C9orf43: variants seen among roughly 807,000 people sequenced by gnomAD.
C9orf43 encodes uncharacterized protein C9orf43.
A neutral mutation model predicts 59.1 loss-of-function variants in C9orf43; 45 were observed. The ratio of observed to expected loss-of-function variants is 0.76; its 90% CI spans 0.60 to 0.98. C9orf43 has a LOEUF of 0.98. Ranked by LOEUF, C9orf43 falls within the 50% of genes least tolerant of loss-of-function variation. C9orf43 has a pLI of 0.00. For synonymous variants in C9orf43, 203 were observed against 196.8 expected (o/e 1.03, Z -0.26); for missense variants, 533 against 554.9 (o/e 0.96, Z 0.40).
chr9:113,418,892 T>C (rs1036726789), intron 3 of C9orf43, among the ~76,000 whole-genome samples: 2 of 152,192 alleles, frequency 1.3e-5, no homozygotes, highest in Non-Finnish European at 2.9e-5. Flanking sequence ...ATGGAACAAA[T>C]AGTTGTGAAG....
chr9:113,418,464 A>G (rs1012065947), intron 3 of C9orf43, among the ~76,000 whole-genome samples: 4 of 152,172 alleles, frequency 2.6e-5, no homozygotes, highest in Non-Finnish European at 5.9e-5. Context: ...CAAACCCTAT[A>G]TTTACTATGT....
rs372647158 is a variant in C9orf43, at chr9:113,421,129, G to A, written c.372G>A (p.Thr124=). Residue 124 remains threonine (T), a synonymous_variant, in exon 5 of 14, where the codon ACG becomes ACA. Coordinates refer to ENST00000374165, the MANE Select transcript of C9orf43 (RefSeq NM_001278629.2). ...TTCCAGTGTTGAATTTGAATGAGAC[G>A]CAACTTCCCTGCCCTGAAGATGTTA... The part of the protein sequence containing the change: ...PKFPVLNLNE[T]QLPCPEDVRN... 25 of 1,613,628 alleles carry A rather than the reference G, an allele frequency of 1.5e-5. No individual in the cohort carries two copies. Among genetic ancestry groups the A allele is most frequent in the Admixed American group, 1.5e-4 (9 of 59,976 alleles).
rs1261267807 is a variant in C9orf43 at position 113,424,324 on chromosome 9, C to T, written c.807+8C>T. 5 of 1,598,858 alleles carry T rather than the reference C, an allele frequency of 3.1e-6. No individual in the cohort carries two copies. The highest frequency in any genetic ancestry group is 4.3e-6 in the Non-Finnish European group (5 of 1,175,014). Reference sequence around the variant, plus strand: ...CACCGCCTCACCCTGGAAGTAAGAGCTAGGAAACAGCAGGGAAGAAGCCTA... The same window carrying T: ...CACCGCCTCACCCTGGAAGTAAGAGTTAGGAAACAGCAGGGAAGAAGCCTA... On this transcript the variant is annotated splice_region_variant and intron_variant, in intron 8 of 13. Transcript: ENST00000374165.
In C9orf43 at chr9:113,413,818, T is replaced by C; in HGVS notation, c.211T>C (p.Leu71=). 6.2e-7 allele frequency: 1 copy of C among 1,614,168 alleles called. No homozygotes were observed. Among genetic ancestry groups the C allele is most frequent in the Non-Finnish European group, 8.5e-7 (1 of 1,180,018 alleles). ...AGATTCCGGCTTTGCAGCTCATCAT[T>C]TACCAGAATGTACCTTTACTAAGGC... ...ILDSGFAAHH[L]PECTFTKAHS... is the part of the protein sequence containing the mutation. Residue 71 remains leucine (L), a synonymous_variant, in exon 3 of 14, where the codon TTA becomes CTA. Coordinates refer to ENST00000374165, the MANE Select transcript of C9orf43 (RefSeq NM_001278629.2).
intron 11 of C9orf43, among the ~76,000 whole-genome samples, chr9:113,426,893 T>C (rs1003373574): frequency 2.0e-5 from 3 of 152,166 alleles, no homozygotes; most frequent in Admixed American, 6.5e-5. Flanking sequence ...GAGATGATTT[T>C]TGCATTGAAT....
At position 113,413,351 on chromosome 9, in the gene C9orf43, A is replaced by T. The variant is rs1003484481; in HGVS notation, c.-49-94A>T. 2.1e-5 allele frequency: 25 copies of T among 1,175,654 alleles called. No homozygotes were observed. The East Asian group carries it at 6.7e-4, about 32-fold the overall frequency. 72.8% of individuals were successfully genotyped at this position (1,175,654 alleles called of 1,614,324 possible). A position where few individuals can be genotyped will look rare whatever the true frequency, so the allele number is the denominator to read the frequency against. ...GGCCATCATTTACCTATATAGGTTC[A>T]ATAGAAATATTTTATACTGTGAGTT... On this transcript the variant is annotated intron_variant, in intron 1 of 13. Transcript: ENST00000374165.
chr9:113,421,073 C>A, intron 4 of C9orf43, 30 bp from the exon 5 acceptor site: 2 of 1,544,564 alleles, frequency 1.3e-6, no homozygotes, highest in Non-Finnish European at 1.8e-6. Context: ...GCACCTCAAG[C>A]CATACATAGG....
At chr9:113,417,828 G>A (rs1459175299) in intron 3 of C9orf43, among the ~76,000 whole-genome samples, 1 of 152,210 alleles carries the variant, frequency 6.6e-6, no homozygotes, top group African/African-American at 2.4e-5. Context: ...TGAGGCTGGG[G>A]AGCTGCAGTA....
At chr9:113,413,721 A>T (rs1588100366) in intron 2 of C9orf43, 38 bp from the exon 3 acceptor site, 2 of 1,611,736 alleles carry the variant, frequency 1.2e-6, no homozygotes, top group African/African-American at 2.7e-5. Context: ...TTCTCCAGGC[A>T]GCAGGTTAAC....
chr9:113,411,418 C>T (rs1564395039), intron 1 of C9orf43, among the ~76,000 whole-genome samples: 1 of 151,846 alleles, frequency 6.6e-6, no homozygotes, highest in Non-Finnish European at 1.5e-5. Context: ...CCTACCTCAG[C>T]CTCCTTAGTA....
At chr9:113,429,044 C>A in intron 13 of C9orf43, 81 bp downstream of exon 13, 1 of 1,496,424 alleles carries the variant, frequency 6.7e-7, no homozygotes, top group Non-Finnish European at 9.3e-7. Flanking sequence ...GATAGTTTAC[C>A]TCCCTGAAGG....
At chr9:113,419,874 C>A (rs1828501964) in intron 4 of C9orf43, among the ~76,000 whole-genome samples, 1 of 152,122 alleles carries the variant, frequency 6.6e-6, no homozygotes, top group Non-Finnish European at 1.5e-5. Context: ...AGAAAAAACC[C>A]TCCTACTTAA....
At position 113,413,633 on chromosome 9, in the gene C9orf43, T is replaced by C. The variant is rs1564397926; in HGVS notation, c.140T>C (p.Leu47Pro). ...RILGSSCKTP[L>P]DAEDKLPVLT... The stretch of plus-strand genomic sequence containing the variant: ...CTCGGCTCATCCTGCAAAACTCCCC[T>C]GGATGCTGAAGGTGAATTAGCCAGC... The change falls in exon 2 of 14, where the codon CTG becomes CCG. Residue 47 changes from leucine (L) to proline (P), a missense_variant. By Grantham distance (98) the Leu-to-Pro change is moderately conservative. Transcript: ENST00000374165. 1.2e-6 allele frequency: 2 copies of C among 1,614,148 alleles called. No individual in the cohort carries two copies. Among genetic ancestry groups the C allele is most frequent in the Non-Finnish European group, 1.7e-6 (2 of 1,179,970 alleles).
chr9:113,428,121 G>A, intron 11 of C9orf43, 26 bp from the exon 12 acceptor site: 2 of 1,613,114 alleles, frequency 1.2e-6, no homozygotes, highest in Non-Finnish European at 1.7e-6. Flanking sequence ...ATAAGAGGAA[G>A]ATTGAATGGA....
In C9orf43 at chr9:113,413,865, T is replaced by C. The variant is rs749272442; in HGVS notation, c.258T>C (p.Ser86=). 4 of 1,611,458 alleles carry C rather than the reference T, an allele frequency of 2.5e-6. No individual in the cohort carries two copies. In the South Asian group the frequency reaches 4.4e-5, roughly 18 times the overall value. ...FTKAHSLLSQ[S]SKFYSKFHGR... ...AGGCCCATTCTTTATTGTCTCAGAG[T>C]TCAAAGTTTTACTCCAAATTTCATG... Residue 86 remains serine (S), a synonymous_variant, in exon 3 of 14, where the codon AGT becomes AGC. Coordinates refer to ENST00000374165, the MANE Select transcript of C9orf43 (RefSeq NM_001278629.2).
chr9:113,429,043 C>T, intron 13 of C9orf43, 80 bp downstream of exon 13: 2 of 1,503,952 alleles, frequency 1.3e-6, no homozygotes, highest in Non-Finnish European at 1.9e-6. Context: ...GGATAGTTTA[C>T]CTCCCTGAAG....
Position 113,410,810 on chromosome 9 carries a change from G to A in C9orf43, c.-241G>A. On this transcript the variant is annotated 5_prime_UTR_variant, in exon 1 of 14. Transcript: ENST00000374165. Reference sequence around the variant, plus strand: ...ATCTCACCGCGCCGCAAGGGGCCACGTTTTACCACTTGATTTAGCAACCCT... The same window carrying A: ...ATCTCACCGCGCCGCAAGGGGCCACATTTTACCACTTGATTTAGCAACCCT... The A allele has an allele frequency of 7.2e-6, 3 of 418,912 alleles. No individual in the cohort carries two copies. In the South Asian group the frequency reaches 2.4e-4, roughly 34 times the overall value. The allele number at this position is 418,912 out of a possible 1,614,324, so 25.9% of individuals were successfully genotyped here. A position where few individuals can be genotyped will look rare whatever the true frequency, so the allele number is the denominator to read the frequency against.
chr9:113,413,393 C>G, intron 1 of C9orf43, 52 bp from the exon 2 acceptor site: 1 of 1,446,680 alleles, frequency 6.9e-7, no homozygotes, highest in Non-Finnish European at 9.2e-7. Context: ...AACATCTGGA[C>G]TGTATGGCTA....
intron 3 of C9orf43, among the ~76,000 whole-genome samples, chr9:113,418,471 A>G (rs1828455814): frequency 6.6e-6 from 1 of 152,234 alleles, no homozygotes; most frequent in Non-Finnish European, 1.5e-5. Flanking sequence ...TATATTTACT[A>G]TGTTGTTACG....
Sources: gnomAD v4.1 joint callset for allele counts (sites outside exome capture counted in the v4.1 genomes callset) on GRCh38, gnomAD v4.1.1 for gene constraint, MANE v1.5 for transcripts, NCBI Gene and HGNC (gene_info 2026-07-23, HGNC 2026-07-21) for gene names.